The following EPAS1 variants were observed in gnomAD, a reference collection of about 807,000 sequenced individuals.
The protein encoded by EPAS1 is endothelial PAS domain protein 1.
In EPAS1, 23 loss-of-function variants were observed where a neutral mutation model predicts 87.9. The ratio of observed to expected loss-of-function variants is 0.26; its 90% CI spans 0.19 to 0.37. The LOEUF (loss-of-function observed/expected upper bound fraction) is 0.37. Among genes scored for constraint, EPAS1 ranks in the 10% least tolerant of loss-of-function variants. EPAS1 has a pLI of 1.00. For missense variants in EPAS1, 1,138 were observed against 1,120.7 expected, an observed-to-expected ratio of 1.02 and a Z score of -0.22; for synonymous variants, 508 against 444.3, an observed-to-expected ratio of 1.14 and a Z score of -1.80.
intron 1 of EPAS1, among the ~76,000 whole-genome samples, chr2:46,328,424 A>T (rs971840565): frequency 6.6e-6 from 1 of 152,220 alleles, no homozygotes; most frequent in African/African-American, 2.4e-5. Context: ...AGGAAATGAG[A>T]TGAAAATGAC....
In EPAS1 at chr2:46,375,950, C is replaced by A; in HGVS notation, c.1034+113C>A. The A allele has an allele frequency of 7.0e-7, 1 of 1,426,110 alleles. No homozygotes were observed. 88.3% of individuals were successfully genotyped at this position (1,426,110 alleles called of 1,614,324 possible). A position where few individuals can be genotyped will look rare whatever the true frequency, so the allele number is the denominator to read the frequency against. On this transcript the variant is annotated intron_variant, in intron 8 of 15. Coordinates refer to ENST00000263734, the MANE Select transcript of EPAS1 (RefSeq NM_001430.5). The surrounding 1 kb of genome is among the most constrained non-coding windows in gnomAD (Gnocchi z 4.1). Reference sequence around the variant, plus strand: ...GCCAGGCCTCTCAGCGCCCTGGGCACCACCTCAGGGAGGTCTTGCAGGGCT... The same window carrying A: ...GCCAGGCCTCTCAGCGCCCTGGGCAACACCTCAGGGAGGTCTTGCAGGGCT...
intron 15 of EPAS1, among the ~76,000 whole-genome samples, chr2:46,383,527 T>C (rs1684946913): frequency 6.6e-6 from 1 of 152,152 alleles, no homozygotes; most frequent in Non-Finnish European, 1.5e-5. Context: ...TGCTTCAGAG[T>C]CCAGGCTGTA....
chr2:46,379,960 G>C, intron 11 of EPAS1: 1 of 561,846 alleles, frequency 1.8e-6, no homozygotes, highest in Non-Finnish European at 3.2e-6. Flanking sequence ...CTCCGGACAG[G>C]TGGGATGGGG....
At position 46,376,875 on chromosome 2, in the gene EPAS1, T is replaced by G; in HGVS notation, c.1249+122T>G. On this transcript the variant is annotated intron_variant, in intron 9 of 15. Transcript: ENST00000263734. ...ACCAGAGCTACCCCAGCCCCCCAAGTCTTGTTAATCACCTGTTAGAGGCCA... is the reference window on the plus strand; with the variant it reads ...ACCAGAGCTACCCCAGCCCCCCAAGGCTTGTTAATCACCTGTTAGAGGCCA... 1.1e-5 allele frequency: 11 copies of G among 998,030 alleles called. No individual in the cohort carries two copies. The South Asian group carries it at 1.5e-4, about 14-fold the overall frequency. 61.8% of individuals were successfully genotyped at this position (998,030 alleles called of 1,614,324 possible). A position where few individuals can be genotyped will look rare whatever the true frequency, so the allele number is the denominator to read the frequency against.
rs937267728 is a variant in EPAS1, at chr2:46,375,509, G to C, written c.887-181G>C. ...CTCTTTTTCCTATATTTAAAATGAA[G>C]AGTTGGCTGAGGTGATCCCTAAGCT... On this transcript the variant is annotated intron_variant, in intron 7 of 15. Transcript: ENST00000263734. This position sits in a 1 kb window ranked among gnomAD's most constrained non-coding sequence, Gnocchi z 4.1. 10 of 688,160 alleles carry C rather than the reference G, an allele frequency of 1.5e-5. No individual in the cohort carries two copies. In the Admixed American group the frequency reaches 2.4e-4, roughly 16 times the overall value. The allele number at this position is 688,160 out of a possible 1,614,324, so 42.6% of individuals were successfully genotyped here. A position where few individuals can be genotyped will look rare whatever the true frequency, so the allele number is the denominator to read the frequency against.
chr2:46,297,504 CTG>C lies in EPAS1; in HGVS notation c.-406_-405del. ...TACAATCCTCGGCAGTGTCCTGAGA[CTG>C]TATGGTCAGCTCAGCCCGGCCTCCG... is the stretch of plus-strand genomic sequence containing the variant. On this transcript the variant is annotated 5_prime_UTR_variant, in exon 1 of 16. Transcript: ENST00000263734. 3.5e-6 allele frequency: 1 copy of C among 284,222 alleles called. No individual in the cohort carries two copies. Among genetic ancestry groups the C allele is most frequent in the Non-Finnish European group, 6.8e-6 (1 of 147,270 alleles). 17.6% of individuals were successfully genotyped at this position (284,222 alleles called of 1,614,324 possible). A position where few individuals can be genotyped will look rare whatever the true frequency, so the allele number is the denominator to read the frequency against.
chr2:46,369,806 G>A (rs1454648189), intron 6 of EPAS1, 21 bp from the exon 7 acceptor site: 5 of 1,587,506 alleles, frequency 3.1e-6, no homozygotes, highest in South Asian at 1.1e-5. Context: ...TTCCTTACAT[G>A]CTGCCTTTTT....
chr2:46,357,069 TAGG>T (rs1282854904), intron 4 of EPAS1, among the ~76,000 whole-genome samples: 2 of 152,204 alleles, frequency 1.3e-5, no homozygotes, highest in African/African-American at 4.8e-5. Context: ...ACACTGTCTC[TAGG>T]AGGTTTCATC....
At position 46,331,378 on chromosome 2, in the gene EPAS1, T is replaced by C. The variant is rs577601123; in HGVS notation, c.27-15495T>C. Among the ~76,000 whole-genome samples, 4 of 152,360 alleles carry C rather than the reference T, an allele frequency of 2.6e-5. No individual in the cohort carries two copies. The South Asian group carries it at 6.2e-4, about 24-fold the overall frequency. ...CTCATCAAACAAAGACCAGATGTGA[T>C]TTAAATTCCAAGGAGCCATACTTTT... On this transcript the variant is annotated intron_variant, in intron 1 of 15. Coordinates refer to ENST00000263734, the MANE Select transcript of EPAS1 (RefSeq NM_001430.5).
Position 46,297,854 on chromosome 2 carries a change from C to G in EPAS1, c.-58C>G, listed in dbSNP as rs549684527. 1.9e-6 allele frequency: 3 copies of G among 1,590,090 alleles called. No individual in the cohort carries two copies. The highest frequency in any genetic ancestry group is 2.6e-6 in the Non-Finnish European group (3 of 1,168,948). ...GGAGCGGACGAGGGCCACAGCCCCC[C>G]ACCCGCCAGGGAGCCCAGGTGCTCG... On this transcript the variant is annotated 5_prime_UTR_variant, in exon 1 of 16. Coordinates refer to ENST00000263734, the MANE Select transcript of EPAS1 (RefSeq NM_001430.5).
At chr2:46,308,844 T>C (rs1683160277) in intron 1 of EPAS1, among the ~76,000 whole-genome samples, 1 of 152,226 alleles carries the variant, frequency 6.6e-6, no homozygotes, top group African/African-American at 2.4e-5. Flanking sequence ...TCAGAGATCA[T>C]CTTCCCTGGG....
chr2:46,383,227 G>A (rs1366550555), intron 15 of EPAS1, among the ~76,000 whole-genome samples: 1 of 152,208 alleles, frequency 6.6e-6, no homozygotes, highest in Non-Finnish European at 1.5e-5. Flanking sequence ...GTTTTGGGGT[G>A]TCACTCTGAG....
intron 1 of EPAS1, among the ~76,000 whole-genome samples, chr2:46,321,485 G>A (rs974430049): frequency 3.3e-5 from 5 of 152,036 alleles, no homozygotes; most frequent in Non-Finnish European, 5.9e-5. Flanking sequence ...ACATTTTCAC[G>A]AGCAATGCAT....
chr2:46,361,756 G>C (rs1684391572), intron 6 of EPAS1, among the ~76,000 whole-genome samples: 3 of 152,216 alleles, frequency 2.0e-5, no homozygotes, highest in African/African-American at 4.8e-5. Flanking sequence ...TAGAGTTGTT[G>C]AAAGAGTGCC....
At chr2:46,343,477 A>T (rs1683951142) in intron 1 of EPAS1, among the ~76,000 whole-genome samples, 1 of 152,230 alleles carries the variant, frequency 6.6e-6, no homozygotes. Flanking sequence ...GACCCAGAAG[A>T]ACTAGGTTTG....
rs1398702010 is a variant in EPAS1 at position 46,371,187 on chromosome 2, G to A, written c.886+1254G>A. Reference sequence around the variant, plus strand: ...GTCTGAGAAGATTCCCAGTGGCCCTGCTGGCAATGGAGAAAACGGAAGGGC... The same window carrying A: ...GTCTGAGAAGATTCCCAGTGGCCCTACTGGCAATGGAGAAAACGGAAGGGC... On this transcript the variant is annotated intron_variant, in intron 7 of 15. Transcript: ENST00000263734. The surrounding 1 kb of genome is among the most constrained non-coding windows in gnomAD (Gnocchi z 4.3). 6.6e-6 allele frequency among the ~76,000 whole-genome samples: 1 copy of A among 152,172 alleles called. No individual in the cohort carries two copies. Among genetic ancestry groups the A allele is most frequent in the Non-Finnish European group, 1.5e-5 (1 of 68,042 alleles).
chr2:46,376,461 A>G (rs537754835), intron 8 of EPAS1, 78 bp from the exon 9 acceptor site: 2 of 1,411,596 alleles, frequency 1.4e-6, no homozygotes, highest in East Asian at 2.3e-5. Context: ...CTTAGCTATG[A>G]GGGTTTCCAT....
chr2:46,337,863 T>C (rs1478514233), intron 1 of EPAS1, among the ~76,000 whole-genome samples: 1 of 152,162 alleles, frequency 6.6e-6, no homozygotes, highest in Non-Finnish European at 1.5e-5. Flanking sequence ...CCTTTTTTTT[T>C]TCTTTTTCTT....
intron 11 of EPAS1, among the ~76,000 whole-genome samples, chr2:46,379,475 C>T (rs1366077425): frequency 2.6e-5 from 4 of 152,330 alleles, no homozygotes; most frequent in East Asian, 3.9e-4. Flanking sequence ...ACCCTCCCTC[C>T]TCAGCACTCC....
Sources: allele counts gnomAD v4.1 joint callset (sites outside exome capture counted in the v4.1 genomes callset), GRCh38; gene constraint gnomAD v4.1.1; non-coding constraint Gnocchi (gnomAD v3.1); transcripts MANE v1.5; gene names NCBI Gene and HGNC (gene_info 2026-07-23, HGNC 2026-07-21).